GPR149: variants seen among roughly 807,000 people sequenced by gnomAD.
GPR149 encodes the protein G protein-coupled receptor 149, also known as probable G protein-coupled receptor 149.
GPR149 carries 50 observed loss-of-function variants against 50.2 expected under a neutral mutation model. The ratio of observed to expected loss-of-function variants is 1.00; its 90% CI spans 0.79 to 1.26. The LOEUF is 1.26. Ranked by LOEUF, GPR149 falls within the 50% of genes most tolerant of loss-of-function variation. The probability of loss-of-function intolerance (pLI) is 0.00; values close to 1 mark genes in which losing one functional copy is unlikely to be tolerated. For missense variants in GPR149, 983 were observed against 895.4 expected (o/e 1.10, Z -1.25); for synonymous variants, 405 against 358.2 (o/e 1.13, Z -1.48).
intron 2 of GPR149, among the ~76,000 whole-genome samples, chr3:154,426,858 G>A (rs1437439225): frequency 1.4e-5 from 2 of 140,890 alleles, no homozygotes; most frequent in Non-Finnish European, 3.1e-5. Flanking sequence ...TTGTTTTTAT[G>A]TTTGGACCAG....
In GPR149 at chr3:154,378,641, G is replaced by C. The variant is rs1019446270; in HGVS notation, c.1624-40370C>G. On this transcript the variant is annotated intron_variant, in intron 3 of 3. Coordinates refer to ENST00000389740, the MANE Select transcript of GPR149 (RefSeq NM_001038705.3). ...TTTGTACAACTTTGTTTTCCAAACA[G>C]GTTGTGCAATAGTCTGTACAGAAAT... Among the ~76,000 whole-genome samples, 9 of 152,168 alleles carry C rather than the reference G, an allele frequency of 5.9e-5. 1 individual carries two copies. The South Asian group carries it at 1.9e-3, about 32-fold the overall frequency.
chr3:154,406,823 G>C (rs541430035), intron 3 of GPR149, among the ~76,000 whole-genome samples: 1 of 152,096 alleles, frequency 6.6e-6, no homozygotes, highest in Non-Finnish European at 1.5e-5. Context: ...TGAATGAAGC[G>C]CATATGCCTT....
intron 2 of GPR149, among the ~76,000 whole-genome samples, chr3:154,426,687 T>C (rs907742310): frequency 2.0e-5 from 3 of 152,282 alleles, no homozygotes; most frequent in Admixed American, 1.3e-4. Flanking sequence ...ACAATTACAC[T>C]GTAGGGAGTT....
chr3:154,407,093 T>C (rs6775658), intron 3 of GPR149, among the ~76,000 whole-genome samples: 145,731 of 152,142 alleles, frequency 0.96, 69,898 homozygotes, highest in East Asian at 1. Context: ...AAACCACCCC[T>C]CATGATTCAA....
chr3:154,354,963 T>C (rs1714183526), intron 3 of GPR149, among the ~76,000 whole-genome samples: 2 of 152,224 alleles, frequency 1.3e-5, no homozygotes, highest in African/African-American at 4.8e-5. Flanking sequence ...AACCTCATTT[T>C]ACATTGATTT....
intron 3 of GPR149, among the ~76,000 whole-genome samples, chr3:154,380,306 T>A (rs1714891536): frequency 6.6e-6 from 1 of 152,078 alleles, no homozygotes; most frequent in Admixed American, 6.6e-5. Context: ...GTTAACTGCA[T>A]GCATTGTATC....
chr3:154,388,231 T>C (rs548676969), intron 3 of GPR149, among the ~76,000 whole-genome samples: 1 of 152,174 alleles, frequency 6.6e-6, no homozygotes, highest in African/African-American at 2.4e-5. Flanking sequence ...TACTGTTTTT[T>C]CATCTATAAA....
intron 3 of GPR149, among the ~76,000 whole-genome samples, chr3:154,386,565 C>T (rs1327695971): frequency 6.6e-6 from 1 of 152,194 alleles, no homozygotes; most frequent in East Asian, 1.9e-4. Flanking sequence ...GCACAGGAAG[C>T]CCTTTGTAGT....
intron 3 of GPR149, among the ~76,000 whole-genome samples, chr3:154,365,900 C>G (rs1188547638): frequency 6.6e-6 from 1 of 152,190 alleles, no homozygotes; most frequent in South Asian, 2.1e-4. Context: ...TACTGCTTTT[C>G]TCTTCTGAGA....
At chr3:154,367,095 C>T (rs1278155638) in intron 3 of GPR149, among the ~76,000 whole-genome samples, 3 of 152,118 alleles carry the variant, frequency 2.0e-5, no homozygotes, top group Admixed American at 6.5e-5. Flanking sequence ...GGAGACTACA[C>T]GCTGCTTCTG....
At chr3:154,418,055 C>A (rs1267876303) in intron 3 of GPR149, among the ~76,000 whole-genome samples, 1 of 149,996 alleles carries the variant, frequency 6.7e-6, no homozygotes, top group Non-Finnish European at 1.5e-5. Context: ...CCAAAAGACA[C>A]ATGAAAAAAT....
intron 3 of GPR149, among the ~76,000 whole-genome samples, chr3:154,381,283 T>C (rs1041721851): frequency 1.9e-4 from 29 of 152,154 alleles, no homozygotes; most frequent in African/African-American, 7.0e-4. Flanking sequence ...ATTCACATGA[T>C]CTCATCCGTT....
intron 3 of GPR149, among the ~76,000 whole-genome samples, chr3:154,364,186 C>T (rs1391319282): frequency 6.6e-6 from 1 of 152,212 alleles, no homozygotes; most frequent in African/African-American, 2.4e-5. Context: ...AAAGCTGCAA[C>T]AATCCCATTC....
chr3:154,344,637 G>T (rs1488007245), intron 3 of GPR149, among the ~76,000 whole-genome samples: 1 of 152,108 alleles, frequency 6.6e-6, no homozygotes, highest in African/African-American at 2.4e-5. Context: ...AAATTTGGAC[G>T]CAGATGTACC....
intron 3 of GPR149, among the ~76,000 whole-genome samples, chr3:154,357,842 T>C (rs1351511526): frequency 6.6e-6 from 1 of 152,196 alleles, no homozygotes; most frequent in African/African-American, 2.4e-5. Flanking sequence ...CATGCACACG[T>C]ATGTTTATTG....
chr3:154,409,362 G>A (rs1350593090), intron 3 of GPR149, among the ~76,000 whole-genome samples: 2 of 152,068 alleles, frequency 1.3e-5, no homozygotes, highest in Admixed American at 1.3e-4. Context: ...ACCAGCAGTA[G>A]ATCCAAACCA....
Position 154,338,166 on chromosome 3 carries a change from C to A in GPR149, c.1729G>T (p.Ala577Ser), listed in dbSNP as rs192779142. The A allele has an allele frequency of 1.7e-5, 28 of 1,613,974 alleles. No individual in the cohort carries two copies. The South Asian group carries it at 2.4e-4, about 14-fold the overall frequency. Residue 577 changes from alanine to serine, a missense_variant, in exon 4 of 4, where the codon GCA becomes TCA. By Grantham distance (99) the Ala-to-Ser change is moderately conservative. Coordinates refer to ENST00000389740, the MANE Select transcript of GPR149 (RefSeq NM_001038705.3). ...TLSLSTYEVS[A>S]EGQKITPASK... is the part of the protein sequence containing the mutation. ...GCTGGAGTTATTTTTTGCCCTTCTGCGCTTACCTCATAGGTAGAAAGAGAT... is the reference window on the plus strand; with the variant it reads ...GCTGGAGTTATTTTTTGCCCTTCTGAGCTTACCTCATAGGTAGAAAGAGAT...
rs1303013022 is a variant in GPR149 at position 154,335,069 on chromosome 3, A to G, written c.*2630T>C. 2 of 152,082 alleles carry G rather than the reference A, an allele frequency of 1.3e-5. No individual in the cohort carries two copies. Among genetic ancestry groups the G allele is most frequent in the African/African-American group, 2.4e-5 (1 of 41,414 alleles). The allele number at this position is 152,082 out of a possible 1,614,324, so 9.4% of individuals were successfully genotyped here. The stretch of plus-strand genomic sequence containing the variant: ...GGATTATATATTAGGTGTTTATACT[A>G]TTTGGGAGTCTCGGGGATTACGTGT... On this transcript the variant is annotated 3_prime_UTR_variant, in exon 4 of 4. Transcript: ENST00000389740.
intron 3 of GPR149, among the ~76,000 whole-genome samples, chr3:154,403,969 T>C (rs1241646167): frequency 6.6e-6 from 1 of 152,228 alleles, no homozygotes; most frequent in Non-Finnish European, 1.5e-5. Context: ...ATTTAAAAAA[T>C]GTTTAATTTA....
Sources: allele counts gnomAD v4.1 joint callset (sites outside exome capture counted in the v4.1 genomes callset), GRCh38; gene constraint gnomAD v4.1.1; transcripts MANE v1.5; gene names NCBI Gene and HGNC (gene_info 2026-07-23, HGNC 2026-07-21).